FGF13: variants seen among roughly 807,000 people sequenced by gnomAD.
FGF13 encodes the protein fibroblast growth factor 13, also known as fibroblast growth factor homologous factor 2.
Under a neutral mutation model 19.5 loss-of-function variants are expected in FGF13, and 2 were observed. The observed-to-expected ratio is 0.10, with a 90% confidence interval of 0.04 to 0.32. The LOEUF is 0.32. Ranked by LOEUF, FGF13 falls within the 10% of genes least tolerant of loss-of-function variation. The pLI is 1.00. For synonymous variants in FGF13, 72 were observed against 76.9 expected (o/e 0.94, Z 0.33); for missense variants, 113 against 192.7 (o/e 0.59, Z 2.45).
intron 3 of FGF13, among the ~76,000 whole-genome samples, chrX:138,639,198 T>C (rs1189851751): frequency 3.6e-5 from 4 of 111,748 alleles, no homozygotes; most frequent in Non-Finnish European, 5.6e-5. Flanking sequence ...ATATGAATAA[T>C]AGAAATTGGA....
intron 1 of FGF13, among the ~76,000 whole-genome samples, chrX:138,734,866 G>C (rs2090260883): frequency 9.0e-6 from 1 of 111,718 alleles, no homozygotes; most frequent in Non-Finnish European, 1.9e-5. Context: ...GCACATCACA[G>C]AGAGAGCACT....
At chrX:138,873,771 C>T (rs760627067) in intron 1 of FGF13, among the ~76,000 whole-genome samples, 18 of 110,732 alleles carry the variant, frequency 1.6e-4, no homozygotes, top group Non-Finnish European at 2.6e-4. Flanking sequence ...AACCATTTCC[C>T]GACTGGATTA....
intron 1 of FGF13, among the ~76,000 whole-genome samples, chrX:138,718,087 C>T (rs781142756): frequency 6.2e-5 from 7 of 112,284 alleles, no homozygotes; most frequent in Non-Finnish European, 1.3e-4. Context: ...GACAGAGTGT[C>T]TAGAGCCAAG....
At chrX:138,766,435 G>A (rs1192348273) in intron 3 of FGF13, among the ~76,000 whole-genome samples, 1 of 111,941 alleles carries the variant, frequency 8.9e-6, no homozygotes, top group East Asian at 2.8e-4. Flanking sequence ...TGGGAAGCAG[G>A]AAGAATGTTT....
At chrX:139,012,486 G>A (rs1021953216) in intron 1 of FGF13, among the ~76,000 whole-genome samples, 1 of 111,679 alleles carries the variant, frequency 9.0e-6, no homozygotes, top group Non-Finnish European at 1.9e-5. Context: ...CATGGCACTG[G>A]TATAAAAATA....
chrX:138,638,316 T>C (rs1272676881), intron 3 of FGF13, among the ~76,000 whole-genome samples: 1 of 112,166 alleles, frequency 8.9e-6, no homozygotes, highest in Non-Finnish European at 1.9e-5. Flanking sequence ...GAACCATGTG[T>C]GCCTTTGCGC....
chrX:138,997,587 T>C (rs2092049314), intron 1 of FGF13, among the ~76,000 whole-genome samples: 1 of 111,238 alleles, frequency 9.0e-6, no homozygotes, highest in African/African-American at 3.3e-5. Flanking sequence ...GTATCAGTGA[T>C]TGAAGATCAA....
At position 138,631,076 on chromosome X, in the gene FGF13, C is replaced by T. The variant is rs1034572593; in HGVS notation, c.*1774G>A. The T allele has an allele frequency of 2.7e-5, 3 of 109,736 alleles. No individual in the cohort carries two copies. The highest frequency in any genetic ancestry group is 3.8e-5 in the Non-Finnish European group (2 of 52,477). The allele number at this position is 109,736 out of a possible 1,213,427, so 9.0% of individuals were successfully genotyped here. A position where few individuals can be genotyped will look rare whatever the true frequency, so the allele number is the denominator to read the frequency against. ...TGCTTCTGTACCACTGTAAAGCCCC[C>T]GAAAAAATGTAAGTTGAACTACTGT... On this transcript the variant is annotated 3_prime_UTR_variant, in exon 5 of 5. Transcript: ENST00000315930.
chrX:139,067,996 C>T (rs752717376), intron 1 of FGF13, among the ~76,000 whole-genome samples: 1 of 103,448 alleles, frequency 9.7e-6, no homozygotes, highest in Non-Finnish European at 1.9e-5. Flanking sequence ...TTAATTAGAT[C>T]CCATTTGTCA....
At chrX:138,912,326 G>C (rs535310047) in intron 1 of FGF13, among the ~76,000 whole-genome samples, 1 of 110,711 alleles carries the variant, frequency 9.0e-6, no homozygotes, top group African/African-American at 3.3e-5. Context: ...TGCTAAAAAA[G>C]AGTGGTTAGG....
chrX:139,115,138 G>A (rs1022421972), intron 1 of FGF13, among the ~76,000 whole-genome samples: 2 of 110,993 alleles, frequency 1.8e-5, no homozygotes, highest in African/African-American at 6.6e-5. Flanking sequence ...GTCCTAAATG[G>A]AACTCTTGCC....
rs774680410 is a variant in FGF13 at position 139,093,522 on chromosome X, G to T, written c.-113+109894C>A. Among the ~76,000 whole-genome samples, 38 of 112,295 alleles carry T rather than the reference G, an allele frequency of 3.4e-4. No homozygotes were observed. In the Admixed American group the frequency reaches 3.5e-3, roughly 10 times the overall value. Reference sequence around the variant, plus strand: ...CCCACTAGAGAGCTAAAAACTTCCAGAGATAGTGAAGTGGGCTCTAAACTT... The same window carrying T: ...CCCACTAGAGAGCTAAAAACTTCCATAGATAGTGAAGTGGGCTCTAAACTT... On this transcript the variant is annotated intron_variant, in intron 1 of 2. Transcript: ENST00000421460.
At position 138,635,590 on chromosome X, in the gene FGF13, T is replaced by A. The variant is rs2089174240; in HGVS notation, c.468A>T (p.Ser156=). 8.3e-7 allele frequency: 1 copy of A among 1,210,373 alleles called. No homozygotes were observed. Among genetic ancestry groups the A allele is most frequent in the Non-Finnish European group, 1.1e-6 (1 of 894,483 alleles). Residue 156 remains serine (S), a synonymous_variant, in exon 4 of 5, where the codon TCA becomes TCT. Coordinates refer to ENST00000315930, the MANE Select transcript of FGF13 (RefSeq NM_004114.5). The part of the protein sequence containing the change: ...SVFENYYVTY[S]SMIYRQQQSG... ...ACTGCTGCTGACGGTATATCATTGA[T>A]GAATATGTCACATAATAATTTTCAA...
At chrX:138,785,626 G>A (rs1256011868) in intron 3 of FGF13, among the ~76,000 whole-genome samples, 1 of 111,768 alleles carries the variant, frequency 8.9e-6, no homozygotes, top group Non-Finnish European at 1.9e-5. Context: ...TCTTCTCTGG[G>A]CTTCCAGGAC....
intron 3 of FGF13, among the ~76,000 whole-genome samples, chrX:138,788,836 T>C (rs994776026): frequency 1.1e-4 from 12 of 112,172 alleles, no homozygotes; most frequent in African/African-American, 3.2e-4. Flanking sequence ...AATCTTTAAG[T>C]TCTAGTTCCT....
chrX:138,811,469 T>C (rs2090924741), intron 3 of FGF13, among the ~76,000 whole-genome samples: 1 of 109,588 alleles, frequency 9.1e-6, no homozygotes. Context: ...TGTGGAGGGA[T>C]AGCATTAGGA....
At chrX:138,744,637 A>G (rs1323672873) in intron 3 of FGF13, among the ~76,000 whole-genome samples, 3 of 111,008 alleles carry the variant, frequency 2.7e-5, no homozygotes. Flanking sequence ...AAAACAGATC[A>G]ATAAGGAAGC....
intron 1 of FGF13, among the ~76,000 whole-genome samples, chrX:138,971,846 C>T (rs1387431505): frequency 9.0e-6 from 1 of 111,536 alleles, no homozygotes; most frequent in Non-Finnish European, 1.9e-5. Flanking sequence ...ATCGATCAAC[C>T]TCTCCCCAGT....
intron 1 of FGF13, among the ~76,000 whole-genome samples, chrX:138,728,695 G>A (rs2090204260): frequency 9.0e-6 from 1 of 110,608 alleles, no homozygotes; most frequent in African/African-American, 3.3e-5. Context: ...AGGAAGGCTA[G>A]GAATAACATC....
Sources: allele counts gnomAD v4.1 joint callset (sites outside exome capture counted in the v4.1 genomes callset), GRCh38; gene constraint gnomAD v4.1.1; transcripts MANE v1.5; gene names NCBI Gene and HGNC (gene_info 2026-07-23, HGNC 2026-07-21).